The following CSMD1 variants were observed in gnomAD, a reference collection of about 807,000 sequenced individuals.
The protein encoded by CSMD1 is CUB and sushi domain-containing protein 1.
In CSMD1, 213 loss-of-function variants were observed where a neutral mutation model predicts 417.5. The ratio of observed to expected loss-of-function variants is 0.51; its 90% CI spans 0.46 to 0.57. CSMD1 has a LOEUF of 0.57. Among genes scored for constraint, CSMD1 ranks in the 20% least tolerant of loss-of-function variants. The pLI is 0.00. For synonymous variants in CSMD1, 2,862 were observed against 1,736.8 expected, an observed-to-expected ratio of 1.65 and a Z score of -16.11; for missense variants, 6,923 against 4,529.7, an observed-to-expected ratio of 1.53 and a Z score of -15.17.
intron 1 of CSMD1, among the ~76,000 whole-genome samples, chr8:4,892,844 A>C (rs1804216295): frequency 6.6e-6 from 1 of 152,050 alleles, no homozygotes; most frequent in Non-Finnish European, 1.5e-5. Context: ...AACACACCTT[A>C]ATTTATTTAA....
chr8:4,884,330 TTG>T (rs1325458202), intron 1 of CSMD1, among the ~76,000 whole-genome samples: 2 of 151,984 alleles, frequency 1.3e-5, no homozygotes, highest in Admixed American at 6.5e-5. Flanking sequence ...TGGGTTATCT[TTG>T]TGTTTTCCTG....
intron 12 of CSMD1, among the ~76,000 whole-genome samples, chr8:3,458,206 G>A (rs925411880): frequency 6.6e-6 from 1 of 152,086 alleles, no homozygotes; most frequent in Non-Finnish European, 1.5e-5. Context: ...AATGTAGCTG[G>A]AGCTAACGGG....
At chr8:4,921,812 G>A (rs763467409) in intron 1 of CSMD1, among the ~76,000 whole-genome samples, 112 of 152,070 alleles carry the variant, frequency 7.4e-4, no homozygotes, top group Non-Finnish European at 1.1e-3. Context: ...AGATCATGGC[G>A]AGAGGACTTT....
intron 2 of CSMD1, among the ~76,000 whole-genome samples, chr8:4,541,464 A>G (rs1363471664): frequency 6.6e-6 from 1 of 152,162 alleles, no homozygotes; most frequent in Non-Finnish European, 1.5e-5. Context: ...GTTATCAAAA[A>G]TCGGTAGGCG....
At chr8:3,832,039 C>A (rs911451528) in intron 5 of CSMD1, among the ~76,000 whole-genome samples, 13 of 152,174 alleles carry the variant, frequency 8.5e-5, no homozygotes, top group African/African-American at 3.1e-4. Flanking sequence ...CTGCGTTGCT[C>A]TTATCACTGT....
intron 3 of CSMD1, among the ~76,000 whole-genome samples, chr8:4,396,977 A>G (rs529766286): frequency 1.3e-5 from 2 of 152,244 alleles, no homozygotes; most frequent in African/African-American, 2.4e-5. Flanking sequence ...AAATCACTAA[A>G]GGACCTATTC....
chr8:3,716,473 T>C (rs2720795), intron 6 of CSMD1, among the ~76,000 whole-genome samples: 3 of 152,164 alleles, frequency 2.0e-5, no homozygotes, highest in Admixed American at 6.5e-5. Flanking sequence ...TAGAGTAACT[T>C]TGTGATGCTG....
At chr8:4,100,482 G>A (rs767725758) in intron 3 of CSMD1, among the ~76,000 whole-genome samples, 3 of 152,086 alleles carry the variant, frequency 2.0e-5, no homozygotes, top group Non-Finnish European at 2.9e-5. Context: ...ACTTTTCTAA[G>A]CCTTAGTCTC....
chr8:4,117,852 G>C lies in CSMD1; in HGVS notation c.416-85753C>G, dbSNP rs189907441. On this transcript the variant is annotated intron_variant, in intron 3 of 69. Transcript: ENST00000635120. ...CATCTCACTTTCCAAACAAAAGACA[G>C]AGACTCAGGGCATGTCAAAAACCAC... Among the ~76,000 whole-genome samples, 311 of 150,936 alleles carry C rather than the reference G, an allele frequency of 2.1e-3. 8 individuals carry two copies. Among genetic ancestry groups the C allele is most frequent in the Non-Finnish European group, 1.3e-3 (88 of 67,916 alleles).
At chr8:3,556,616 A>G (rs1799166567) in intron 10 of CSMD1, among the ~76,000 whole-genome samples, 1 of 151,798 alleles carries the variant, frequency 6.6e-6, no homozygotes, top group Admixed American at 6.6e-5. Context: ...GGGCTGGTAC[A>G]AAAACATTGT....
At chr8:3,005,002 G>C (rs1807754429) in intron 52 of CSMD1, among the ~76,000 whole-genome samples, 1 of 152,124 alleles carries the variant, frequency 6.6e-6, no homozygotes, top group Non-Finnish European at 1.5e-5. Flanking sequence ...AGCTGAGCAA[G>C]GTGGCACATG....
chr8:3,294,225 TG>T (rs200626372), intron 25 of CSMD1, among the ~76,000 whole-genome samples: 4,208 of 113,160 alleles, frequency 0.037, 196 homozygotes, highest in Middle Eastern at 0.13. Flanking sequence ...AGGTGTCTGT[TG>T]GCCCCTACTG....
chr8:4,963,470 G>T (rs554315812), intron 1 of CSMD1, among the ~76,000 whole-genome samples: 25 of 152,278 alleles, frequency 1.6e-4, no homozygotes, highest in African/African-American at 5.3e-4. Flanking sequence ...AAAGTGCTGG[G>T]ATTACAGGGG....
intron 1 of CSMD1, among the ~76,000 whole-genome samples, chr8:4,964,618 C>T (rs986849643): frequency 6.7e-6 from 1 of 150,334 alleles, no homozygotes; most frequent in African/African-American, 2.5e-5. Flanking sequence ...GACCCTGAAG[C>T]AGGTGGATCT....
At chr8:4,517,117 C>T (rs1803167920) in intron 2 of CSMD1, among the ~76,000 whole-genome samples, 1 of 152,028 alleles carries the variant, frequency 6.6e-6, no homozygotes, top group South Asian at 2.1e-4. Flanking sequence ...TAGAAGACTG[C>T]TTAAATGAAA....
Position 3,379,985 on chromosome 8 carries a change from A to T in CSMD1, c.2782+7509T>A, listed in dbSNP as rs577095161. Among the ~76,000 whole-genome samples, 81 of 152,312 alleles carry T rather than the reference A, an allele frequency of 5.3e-4. No homozygotes were observed. In the Middle Eastern group the frequency reaches 0.01, roughly 19 times the overall value. ...TACAGAATGGGAGAAAAATTTTGCAATCTATCCATCTGACAAAGGGCTAAT... is the reference window on the plus strand; with the variant it reads ...TACAGAATGGGAGAAAAATTTTGCATTCTATCCATCTGACAAAGGGCTAAT... On this transcript the variant is annotated intron_variant, in intron 18 of 69. Coordinates refer to ENST00000635120, the MANE Select transcript of CSMD1 (RefSeq NM_033225.6).
intron 5 of CSMD1, among the ~76,000 whole-genome samples, chr8:3,758,223 C>G (rs772232361): frequency 1.3e-5 from 2 of 152,176 alleles, no homozygotes; most frequent in Non-Finnish European, 2.9e-5. Context: ...ATCATCTTCC[C>G]AGAGTGCTAG....
Position 3,000,119 on chromosome 8 carries a change from C to T in CSMD1, c.8042G>A (p.Gly2681Asp), listed in dbSNP as rs200368115. ...SETRCLAGHCGSPDPIVNGHI... is the reference protein window; with the variant it reads ...SETRCLAGHCDSPDPIVNGHI... ...ACCGTTCACAATCGGGTCTGGGGAA[C>T]CGCAGTGGCCAGCTAAAAATGTTAA... Residue 2681 changes from glycine to aspartate, a missense_variant, in exon 53 of 70, where the codon GGT becomes GAT. Coordinates refer to ENST00000635120, the MANE Select transcript of CSMD1 (RefSeq NM_033225.6). 824 of 1,540,228 alleles carry T rather than the reference C, an allele frequency of 5.3e-4. No individual in the cohort carries two copies. Among genetic ancestry groups the T allele is most frequent in the Non-Finnish European group, 6.8e-4 (776 of 1,140,720 alleles).
intron 10 of CSMD1, among the ~76,000 whole-genome samples, chr8:3,566,589 G>A (rs1585380537): frequency 1.3e-5 from 2 of 150,128 alleles, no homozygotes; most frequent in South Asian, 2.1e-4. Flanking sequence ...AGATTTTCAA[G>A]AAAAAAAAAC....
Sources: allele counts gnomAD v4.1 joint callset (sites outside exome capture counted in the v4.1 genomes callset), GRCh38; gene constraint gnomAD v4.1.1; transcripts MANE v1.5; gene names NCBI Gene and HGNC (gene_info 2026-07-23, HGNC 2026-07-21).